Variants in CCDC12 observed in about 807,000 individuals in gnomAD.
The protein encoded by CCDC12 is coiled-coil domain-containing protein 12.
A neutral mutation model predicts 25.7 loss-of-function variants in CCDC12; 28 were observed. The observed-to-expected ratio is 1.09, with a 90% CI of 0.81 to 1.50. The LOEUF is 1.50. Among genes scored for constraint, CCDC12 ranks in the 40% most tolerant of loss-of-function variants. The pLI, the probability that CCDC12 is intolerant of heterozygous loss-of-function variation, is 0.00. For missense variants in CCDC12, 198 were observed against 210.0 expected (o/e 0.94, Z 0.35); for synonymous variants, 75 against 87.7 (o/e 0.86, Z 0.81).
chr3:46,967,229 C>A (rs761070184), intron 1 of CCDC12, among the ~76,000 whole-genome samples: 1 of 152,114 alleles, frequency 6.6e-6, no homozygotes, highest in African/African-American at 2.4e-5. Flanking sequence ...CCTGTCTGTG[C>A]GCACTGCCTC....
chr3:46,942,816 G>A (rs1317427463), intron 1 of CCDC12, among the ~76,000 whole-genome samples: 1 of 152,160 alleles, frequency 6.6e-6, no homozygotes, highest in African/African-American at 2.4e-5. Flanking sequence ...TTGGGCGATG[G>A]GTGAGAGGTT....
intron 1 of CCDC12, among the ~76,000 whole-genome samples, chr3:46,962,524 G>A (rs558395906): frequency 6.7e-6 from 1 of 150,374 alleles, no homozygotes; most frequent in Non-Finnish European, 1.5e-5. Context: ...CACATACACA[G>A]AACAAAGGAC....
chr3:46,927,331 GA>G (rs1169412799), intron 2 of CCDC12, among the ~76,000 whole-genome samples: 1 of 152,230 alleles, frequency 6.6e-6, no homozygotes, highest in Non-Finnish European at 1.5e-5. Context: ...ACAGGGTGGG[GA>G]GAAATGAGGA....
upstream of CCDC12, among the ~76,000 whole-genome samples, chr3:46,979,061 G>T (rs919961110): frequency 1.3e-5 from 2 of 152,204 alleles, no homozygotes; most frequent in African/African-American, 4.8e-5. Context: ...CAAGTTCTGG[G>T]CCCTGGAGTT....
intron 1 of CCDC12, among the ~76,000 whole-genome samples, chr3:46,954,814 C>T (rs1281335338): frequency 6.6e-6 from 1 of 152,164 alleles, no homozygotes; most frequent in African/African-American, 2.4e-5. Flanking sequence ...GTCCCAGCTA[C>T]TCAGGAGGCT....
chr3:46,925,273 C>T (rs1162610207), intron 3 of CCDC12, 183 bp downstream of exon 3: 2 of 710,578 alleles, frequency 2.8e-6, no homozygotes, highest in Non-Finnish European at 5.2e-6. Flanking sequence ...AGTGCCCCGA[C>T]AGCCTCTGCT....
intron 1 of CCDC12, among the ~76,000 whole-genome samples, chr3:46,951,156 A>T (rs940026032): frequency 2.0e-5 from 3 of 152,116 alleles, no homozygotes; most frequent in Non-Finnish European, 4.4e-5. Flanking sequence ...AAATTAAAAT[A>T]AAAAAATAAA....
chr3:46,953,796 T>A (rs544988887), intron 1 of CCDC12, among the ~76,000 whole-genome samples: 1 of 152,092 alleles, frequency 6.6e-6, no homozygotes, highest in South Asian at 2.1e-4. Flanking sequence ...TAAATCAGGA[T>A]AGACATCTCC....
At chr3:46,932,711 G>A (rs141144316) in intron 2 of CCDC12, among the ~76,000 whole-genome samples, 3 of 152,274 alleles carry the variant, frequency 2.0e-5, no homozygotes, top group Admixed American at 6.5e-5. Context: ...TGGCAAATGC[G>A]TCCTCAGCGG....
At chr3:46,931,907 A>G (rs1224729908) in intron 2 of CCDC12, among the ~76,000 whole-genome samples, 1 of 152,202 alleles carries the variant, frequency 6.6e-6, no homozygotes, top group East Asian at 1.9e-4. Flanking sequence ...CTGCCAGGAA[A>G]ACACACTCAT....
intron 2 of CCDC12, 54 bp from the exon 3 acceptor site, chr3:46,925,589 A>C: frequency 4.2e-4 from 548 of 1,308,414 alleles, no homozygotes; most frequent in Non-Finnish European, 5.2e-4. Context: ...ACATGGTCTC[A>C]TTCATTCATT....
chr3:46,946,548 C>T (rs192406442), intron 1 of CCDC12, among the ~76,000 whole-genome samples: 2 of 152,380 alleles, frequency 1.3e-5, no homozygotes, highest in Non-Finnish European at 2.9e-5. Flanking sequence ...ATGGCTGGCC[C>T]AGCCTCACCT....
chr3:46,934,188 G>T (rs1309426714), intron 2 of CCDC12, among the ~76,000 whole-genome samples: 4 of 152,238 alleles, frequency 2.6e-5, no homozygotes, highest in African/African-American at 7.2e-5. Context: ...TGGTCACACT[G>T]GCCATGTGGG....
intron 1 of CCDC12, among the ~76,000 whole-genome samples, chr3:46,967,424 A>C (rs2034674005): frequency 3.3e-5 from 5 of 150,512 alleles, no homozygotes; most frequent in South Asian, 2.1e-4. Flanking sequence ...CCCCTTCCAT[A>C]CCTCCCACTG....
intron 2 of CCDC12, among the ~76,000 whole-genome samples, chr3:46,925,866 A>C (rs2107104832): frequency 6.6e-6 from 1 of 152,332 alleles, no homozygotes; most frequent in Non-Finnish European, 1.5e-5. Flanking sequence ...AGGGGACTGG[A>C]GGTCAGAGAG....
At chr3:46,981,702 G>C (rs553563936), upstream of CCDC12, among the ~76,000 whole-genome samples, 1 of 152,258 alleles carries the variant, frequency 6.6e-6, no homozygotes, top group East Asian at 1.9e-4. Context: ...GCATGGGCAG[G>C]TAAAGGGGGC....
intron 3 of CCDC12, chr3:46,924,897 C>G (rs4683298): frequency 0.61 from 116,715 of 189,956 alleles, 36,410 homozygotes; most frequent in Non-Finnish European, 0.65. Context: ...GCCCAGGGAT[C>G]CGCAGGACTA....
upstream of CCDC12, chr3:46,979,787 C>T: frequency 5.3e-6 from 2 of 378,754 alleles, no homozygotes; most frequent in Non-Finnish European, 9.3e-6. Flanking sequence ...ATGGGCCTGG[C>T]CGAGGGCAAC....
At chr3:46,935,269 G>A (rs1253549011) in intron 2 of CCDC12, among the ~76,000 whole-genome samples, 1 of 152,236 alleles carries the variant, frequency 6.6e-6, no homozygotes, top group Non-Finnish European at 1.5e-5. Flanking sequence ...GGTGGTGGCT[G>A]TGGAGGTTGG....
Sources: allele counts gnomAD v4.1 joint callset (sites outside exome capture counted in the v4.1 genomes callset), GRCh38; gene constraint gnomAD v4.1.1; transcripts MANE v1.5; gene names NCBI Gene and HGNC (gene_info 2026-07-23, HGNC 2026-07-21).